Variants in SCHIP1 observed in about 807,000 individuals in gnomAD.
The protein encoded by SCHIP1 is schwannomin interacting protein 1.
SCHIP1 carries 8 observed loss-of-function variants against 29.7 expected under a neutral mutation model. The observed-to-expected ratio is 0.27, with a 90% CI of 0.16 to 0.49. The LOEUF is 0.49. Among genes scored for constraint, SCHIP1 ranks in the 20% least tolerant of loss-of-function variants. The pLI is 0.99. For synonymous variants in SCHIP1, 76 were observed against 94.9 expected (o/e 0.80, Z 1.16); for missense variants, 193 against 294.6 (o/e 0.66, Z 2.52).
rs909186337 is a variant in SCHIP1 at position 159,889,698 on chromosome 3, G to A, written c.589+755G>A. ...ATTCAAACCAACTATAAAAAGAAAA[G>A]AGCATTTATGAGCCAAACAGGGAAA... On this transcript the variant is annotated intron_variant, in intron 5 of 6. Transcript: ENST00000445224. Among the ~76,000 whole-genome samples the A allele has an allele frequency of 5.3e-5, 8 of 152,174 alleles. 1 individual carries two copies. Among genetic ancestry groups the A allele is most frequent in the Admixed American group, 2.6e-4 (4 of 15,276 alleles).
intron 4 of SCHIP1, 167 bp downstream of exon 5, chr3:159,888,072 T>A: frequency 1.0e-6 from 1 of 968,370 alleles, no homozygotes; most frequent in Non-Finnish European, 1.5e-6. Flanking sequence ...CTTCCTACTG[T>A]AGGACTGAAA....
At chr3:159,397,897 G>T in the SCHIP1 span, among the ~76,000 whole-genome samples, 2 of 152,158 alleles carry the variant, frequency 1.3e-5, no homozygotes, top group Non-Finnish European at 2.9e-5. Context: ...AGCAAGCCTG[G>T]GCAATGGCAT....
chr3:159,524,383 T>C, the SCHIP1 span, among the ~76,000 whole-genome samples: 1 of 152,368 alleles, frequency 6.6e-6, no homozygotes, highest in Non-Finnish European at 1.5e-5. Context: ...TGCATTCTTA[T>C]CAAGCCAAGA....
At chr3:159,396,576 A>T in the SCHIP1 span, among the ~76,000 whole-genome samples, 1 of 149,730 alleles carries the variant, frequency 6.7e-6, no homozygotes, top group Non-Finnish European at 1.5e-5. Flanking sequence ...TCCTTCACTT[A>T]TAAAGCTTAG....
At chr3:159,693,105 T>A in the SCHIP1 span, among the ~76,000 whole-genome samples, 2 of 152,058 alleles carry the variant, frequency 1.3e-5, no homozygotes, top group Non-Finnish European at 2.9e-5. Context: ...AAATTAAGAG[T>A]GCTCTACTGA....
the SCHIP1 span, among the ~76,000 whole-genome samples, chr3:159,529,589 C>T: frequency 6.6e-6 from 1 of 152,130 alleles, no homozygotes; most frequent in Admixed American, 6.5e-5. Flanking sequence ...GGAGCTCAAA[C>T]ATTTATTATG....
the SCHIP1 span, among the ~76,000 whole-genome samples, chr3:159,285,618 T>C: frequency 6.6e-6 from 1 of 152,110 alleles, no homozygotes; most frequent in African/African-American, 2.4e-5. Context: ...AATTATATTT[T>C]ATTTTATTTA....
the SCHIP1 span, among the ~76,000 whole-genome samples, chr3:159,766,308 A>G: frequency 6.6e-6 from 1 of 152,108 alleles, no homozygotes; most frequent in African/African-American, 2.4e-5. Flanking sequence ...TCACAGAGAA[A>G]TTGCCATGGT....
chr3:159,519,066 C>CAAACAAAGCAATAGTTAATA, the SCHIP1 span, among the ~76,000 whole-genome samples: 1 of 151,998 alleles, frequency 6.6e-6, no homozygotes, highest in South Asian at 2.1e-4. Flanking sequence ...TCTTAGAACT[C>CAAACAAAGCAATAGTTAATA]AAACAAAGCA....
chr3:159,424,649 T>A, the SCHIP1 span, among the ~76,000 whole-genome samples: 9 of 152,206 alleles, frequency 5.9e-5, no homozygotes, highest in East Asian at 1.7e-3. Context: ...TTCCCCAATC[T>A]AGCAAGGCAG....
the SCHIP1 span, among the ~76,000 whole-genome samples, chr3:159,582,673 A>AT: frequency 2.0e-5 from 3 of 152,056 alleles, no homozygotes; most frequent in Admixed American, 6.6e-5. Flanking sequence ...GAAACTAAAA[A>AT]ATATATATAA....
the SCHIP1 span, among the ~76,000 whole-genome samples, chr3:159,479,624 G>T: frequency 6.6e-6 from 1 of 151,988 alleles, no homozygotes; most frequent in Admixed American, 6.6e-5. Flanking sequence ...ATTTCATTTT[G>T]CACTGGATAT....
At chr3:159,744,284 A>C in the SCHIP1 span, among the ~76,000 whole-genome samples, 1 of 152,376 alleles carries the variant, frequency 6.6e-6, no homozygotes, top group African/African-American at 2.4e-5. Flanking sequence ...TAAAACATAA[A>C]GACCCAGTGT....
chr3:159,776,332 C>CTTTTTTTT, the SCHIP1 span, among the ~76,000 whole-genome samples: 1 of 135,422 alleles, frequency 7.4e-6, no homozygotes, highest in African/African-American at 2.9e-5. Context: ...AGTGTTCTGT[C>CTTTTTTTT]TTTTTTTTTT....
the SCHIP1 span, among the ~76,000 whole-genome samples, chr3:159,347,758 A>G: frequency 6.6e-6 from 1 of 152,172 alleles, no homozygotes; most frequent in Non-Finnish European, 1.5e-5. Context: ...ATCATTCACA[A>G]GAAGCTCACA....
chr3:159,577,502 C>A, the SCHIP1 span, among the ~76,000 whole-genome samples: 12 of 152,296 alleles, frequency 7.9e-5, no homozygotes, highest in African/African-American at 2.2e-4. Flanking sequence ...AGAAAGTACA[C>A]CTGCCTTAGC....
chr3:159,297,200 T>C, the SCHIP1 span, among the ~76,000 whole-genome samples: 1 of 151,562 alleles, frequency 6.6e-6, no homozygotes, highest in Non-Finnish European at 1.5e-5. Context: ...CATTTATCCA[T>C]TGATGGACTC....
chr3:159,335,961 CA>C, the SCHIP1 span, among the ~76,000 whole-genome samples: 7 of 152,198 alleles, frequency 4.6e-5, no homozygotes, highest in Non-Finnish European at 1.0e-4. Context: ...GTCCCACCAA[CA>C]CTGTAAAAGT....
At chr3:159,349,645 C>G in the SCHIP1 span, among the ~76,000 whole-genome samples, 1,185 of 152,238 alleles carry the variant, frequency 7.8e-3, 19 homozygotes, top group African/African-American at 0.027. Context: ...CCAAACTTTA[C>G]TAAATAGCTT....
Sources: gnomAD v4.1 joint callset for allele counts (sites outside exome capture counted in the v4.1 genomes callset) on GRCh38, gnomAD v4.1.1 for gene constraint, MANE v1.5 for transcripts, NCBI Gene and HGNC (gene_info 2026-07-23, HGNC 2026-07-21) for gene names.